Variants in ACVR1 observed in about 807,000 individuals in gnomAD.
The protein encoded by ACVR1 is activin A receptor type 1.
ACVR1 carries 38 observed loss-of-function variants against 57.1 expected under a neutral mutation model. That is an observed-to-expected ratio of 0.67 (90% CI 0.51 to 0.87). ACVR1 has a LOEUF of 0.87. Ranked by LOEUF, ACVR1 falls within the 40% of genes least tolerant of loss-of-function variation. ACVR1 has a pLI of 0.00. For synonymous variants in ACVR1, 212 were observed against 228.1 expected, an observed-to-expected ratio of 0.93 and a Z score of 0.63; for missense variants, 463 against 638.2, an observed-to-expected ratio of 0.73 and a Z score of 2.96.
At chr2:157,867,976 C>T (rs1053823806) in intron 1 of ACVR1, among the ~76,000 whole-genome samples, 7 of 152,192 alleles carry the variant, frequency 4.6e-5, no homozygotes, top group African/African-American at 1.4e-4. Context: ...GCCTTAACTT[C>T]CAGCCTGTCA....
At chr2:157,764,361 TTC>T in intron 8 of ACVR1, among the ~76,000 whole-genome samples, 1 of 148,102 alleles carries the variant, frequency 6.8e-6, no homozygotes, top group African/African-American at 2.6e-5. Flanking sequence ...ATTATTATTT[TTC>T]TTTTTTTTTT....
At chr2:157,823,855 G>C (rs1212334614) in intron 1 of ACVR1, among the ~76,000 whole-genome samples, 1 of 152,144 alleles carries the variant, frequency 6.6e-6, no homozygotes, top group Non-Finnish European at 1.5e-5. Flanking sequence ...GAATCAAGGA[G>C]AAAACTTGAG....
At chr2:157,873,170 T>C (rs987390212) in intron 1 of ACVR1, among the ~76,000 whole-genome samples, 1 of 152,194 alleles carries the variant, frequency 6.6e-6, no homozygotes, top group Non-Finnish European at 1.5e-5. Flanking sequence ...AGACAGTATG[T>C]GAGTGAATGA....
At chr2:157,868,134 G>A (rs1053634784) in intron 1 of ACVR1, among the ~76,000 whole-genome samples, 3 of 152,020 alleles carry the variant, frequency 2.0e-5, no homozygotes, top group Admixed American at 6.6e-5. Context: ...CTAAGGTCTC[G>A]CATGCCACCC....
At chr2:157,864,586 T>G (rs1036080646) in intron 1 of ACVR1, among the ~76,000 whole-genome samples, 3 of 152,174 alleles carry the variant, frequency 2.0e-5, no homozygotes, top group Admixed American at 1.3e-4. Context: ...TAGATCTAGT[T>G]TGACAATCAG....
At chr2:157,738,111 G>A (rs1684609925) in intron 10 of ACVR1, among the ~76,000 whole-genome samples, 1 of 152,198 alleles carries the variant, frequency 6.6e-6, no homozygotes, top group South Asian at 2.1e-4. Context: ...GAGGTTAAAA[G>A]CTTCACTTAA....
chr2:157,839,521 A>G (rs957655367), intron 1 of ACVR1, among the ~76,000 whole-genome samples: 1 of 152,196 alleles, frequency 6.6e-6, no homozygotes, highest in African/African-American at 2.4e-5. Context: ...TGGCCCAGGG[A>G]GAAATGGAAC....
At chr2:157,873,023 G>A (rs1690162411) in intron 1 of ACVR1, among the ~76,000 whole-genome samples, 1 of 152,142 alleles carries the variant, frequency 6.6e-6, no homozygotes, top group Non-Finnish European at 1.5e-5. Flanking sequence ...CAAGTGAGTT[G>A]GCTTTCCAAA....
intron 2 of ACVR1, among the ~76,000 whole-genome samples, chr2:157,811,807 AAAAAG>A (rs781464669): frequency 0.05 from 7,639 of 152,246 alleles, 696 homozygotes; most frequent in African/African-American, 0.17. Flanking sequence ...CAACAACAAC[AAAAAG>A]AAGGAGAATG....
At chr2:157,742,756 G>C (rs1684827193) in intron 9 of ACVR1, among the ~76,000 whole-genome samples, 1 of 152,126 alleles carries the variant, frequency 6.6e-6, no homozygotes, top group African/African-American at 2.4e-5. Context: ...AACGCCAGTA[G>C]CCTCTCAAAT....
At chr2:157,816,545 C>T (rs1687944011) in intron 2 of ACVR1, among the ~76,000 whole-genome samples, 1 of 151,976 alleles carries the variant, frequency 6.6e-6, no homozygotes, top group Non-Finnish European at 1.5e-5. Flanking sequence ...TGCAGCGTGC[C>T]ATGATTGCAT....
chr2:157,809,216 G>T (rs1440069935), intron 2 of ACVR1, among the ~76,000 whole-genome samples: 1 of 151,982 alleles, frequency 6.6e-6, no homozygotes, highest in Admixed American at 6.6e-5. Context: ...CTAAATAATG[G>T]AATCACTAAT....
chr2:157,823,636 A>G (rs1688231111), intron 1 of ACVR1, among the ~76,000 whole-genome samples: 1 of 152,154 alleles, frequency 6.6e-6, no homozygotes, highest in Non-Finnish European at 1.5e-5. Context: ...TCCAGAATTT[A>G]AAGTACAATT....
At chr2:157,821,914 A>G (rs775148516) in intron 1 of ACVR1, among the ~76,000 whole-genome samples, 2 of 152,258 alleles carry the variant, frequency 1.3e-5, no homozygotes, top group Non-Finnish European at 2.9e-5. Context: ...ACAGGCAAGC[A>G]TAAAAAGCAC....
chr2:157,781,079 G>T (rs141257238), intron 3 of ACVR1, among the ~76,000 whole-genome samples: 1 of 152,046 alleles, frequency 6.6e-6, no homozygotes, highest in African/African-American at 2.4e-5. Context: ...CCATCAACTC[G>T]TAAAACAAGG....
intron 2 of ACVR1, among the ~76,000 whole-genome samples, chr2:157,811,563 C>T (rs576044226): frequency 1.3e-5 from 2 of 152,190 alleles, no homozygotes; most frequent in Admixed American, 6.5e-5. Flanking sequence ...CAAAAATAAG[C>T]AGCCTTATTT....
chr2:157,846,571 C>G (rs1352807684), intron 1 of ACVR1, among the ~76,000 whole-genome samples: 2 of 152,300 alleles, frequency 1.3e-5, no homozygotes, highest in East Asian at 3.9e-4. Context: ...AACATTATAA[C>G]CTACATATGC....
chr2:157,836,373 G>A (rs187941790), intron 1 of ACVR1, among the ~76,000 whole-genome samples: 20 of 152,280 alleles, frequency 1.3e-4, no homozygotes, highest in Admixed American at 7.8e-4. Context: ...TGAGAAGTCC[G>A]CAGCCAGGAA....
intron 1 of ACVR1, among the ~76,000 whole-genome samples, chr2:157,823,338 A>G (rs1444080811): frequency 1.3e-5 from 2 of 152,204 alleles, no homozygotes; most frequent in Non-Finnish European, 2.9e-5. Context: ...AAAAACATAT[A>G]TATTTCCCAA....
Sources: gnomAD v4.1 joint callset for allele counts (sites outside exome capture counted in the v4.1 genomes callset) on GRCh38, gnomAD v4.1.1 for gene constraint, MANE v1.5 for transcripts, NCBI Gene and HGNC (gene_info 2026-07-23, HGNC 2026-07-21) for gene names.